USP22: variants seen among roughly 807,000 people sequenced by gnomAD.
USP22 encodes ubiquitin specific peptidase 22.
USP22 carries 22 observed loss-of-function variants against 68.1 expected under a neutral mutation model. That is an observed-to-expected ratio of 0.32 (90% confidence interval 0.23 to 0.46). The LOEUF is 0.46. USP22 is among the 20% of genes least tolerant of loss of function. The pLI is 1.00. For missense variants in USP22, 433 were observed against 695.8 expected (o/e 0.62, Z 4.25); for synonymous variants, 279 against 274.2 (o/e 1.02, Z -0.17).
upstream of USP22, chr17:21,043,302 C>CCCCCCCCCCCCCCCCCCCCCG (rs1567596616): frequency 6.3e-5 from 3 of 47,548 alleles, no homozygotes; most frequent in Non-Finnish European, 1.2e-4. Context: ...GTAGGCCACC[C>CCCCCCCCCCCCCCCCCCCCCG]CCCCCCCCCC....
At chr17:21,012,295 T>C (rs1182411865) in intron 7 of USP22, among the ~76,000 whole-genome samples, 1 of 152,028 alleles carries the variant, frequency 6.6e-6, no homozygotes, top group Non-Finnish European at 1.5e-5. Context: ...ACCTGTAGCA[T>C]GCACTGAGGT....
chr17:21,042,738 T>C lies in USP22; in HGVS notation c.98A>G (p.Asn33Ser). The C allele has an allele frequency of 2.0e-6, 3 of 1,488,028 alleles. No homozygotes were observed. Among genetic ancestry groups the C allele is most frequent in the Non-Finnish European group, 2.7e-6 (3 of 1,118,236 alleles). 92.2% of individuals were successfully genotyped at this position (1,488,028 alleles called of 1,614,324 possible). Residue 33 changes from asparagine to serine, a missense_variant, in exon 1 of 13, where the codon AAC becomes AGC. By Grantham distance (46) the Asn-to-Ser change is conservative (BLOSUM62 1). Transcript: ENST00000261497. ...GATGGCCCGCAGGTTCTGCTTCCAG[T>C]TGTCCACCTTGAAGCTGCCCAGGTG... ...CSHLGSFKVDNWKQNLRAIYQ... is the reference protein window; with the variant it reads ...CSHLGSFKVDSWKQNLRAIYQ...
In USP22 at chr17:21,008,362, C is replaced by T. The variant is rs151104397; in HGVS notation, c.1104-366G>A. Reference sequence around the variant, plus strand: ...ACGAGAGTCACAAAACTGGAAACACCCCGTTTCTTCCCATGGCTGAATAAT... The same window carrying T: ...ACGAGAGTCACAAAACTGGAAACACTCCGTTTCTTCCCATGGCTGAATAAT... On this transcript the variant is annotated intron_variant, in intron 8 of 12. Coordinates refer to ENST00000261497, the MANE Select transcript of USP22 (RefSeq NM_015276.2). Among the ~76,000 whole-genome samples, 52 of 152,176 alleles carry T rather than the reference C, an allele frequency of 3.4e-4. 2 individuals are homozygous for T. Among genetic ancestry groups the T allele is most frequent in the African/African-American group, 1.2e-3 (50 of 41,514 alleles).
chr17:21,011,006 A>G (rs111278768), intron 8 of USP22, 145 bp downstream of exon 8: 2 of 1,157,506 alleles, frequency 1.7e-6, no homozygotes, highest in South Asian at 1.8e-5. Flanking sequence ...AAACTAGCAC[A>G]AGAGACTGCA....
Position 21,019,580 on chromosome 17 carries a change from T to G in USP22, c.419-395A>C, listed in dbSNP as rs1022078164. On this transcript the variant is annotated intron_variant, in intron 3 of 12. Transcript: ENST00000261497. ...AATTGAAGGAGAGAGCTTGCACTTTTCAGCAAACTGAAATAGCATAAACTC... is the reference window on the plus strand; with the variant it reads ...AATTGAAGGAGAGAGCTTGCACTTTGCAGCAAACTGAAATAGCATAAACTC... Among the ~76,000 whole-genome samples the G allele has an allele frequency of 2.0e-5, 3 of 152,360 alleles. 1 individual carries two copies. The South Asian group carries it at 6.2e-4, about 32-fold the overall frequency.
chr17:21,015,546 C>T, intron 6 of USP22: 2 of 647,652 alleles, frequency 3.1e-6, no homozygotes, highest in Non-Finnish European at 2.4e-6. Context: ...TACTTCCTCG[C>T]CTCTTAAAAA....
intron 12 of USP22, among the ~76,000 whole-genome samples, 200 bp downstream of exon 12, chr17:21,004,002 G>A (rs1378427984): frequency 3.3e-5 from 5 of 152,124 alleles, no homozygotes; most frequent in East Asian, 1.9e-4. Flanking sequence ...CTCCAGAGAG[G>A]GCCTTTGCTC....
At chr17:21,035,985 C>T (rs146268285) in intron 1 of USP22, among the ~76,000 whole-genome samples, 36 of 137,392 alleles carry the variant, frequency 2.6e-4, no homozygotes, top group Admixed American at 4.8e-4. Flanking sequence ...GAGCCGAGAT[C>T]GCACCACTGC....
Position 21,012,810 on chromosome 17 carries a change from G to A in USP22, c.944+20C>T, listed in dbSNP as rs1914011996. On this transcript the variant is annotated intron_variant, in intron 7 of 12. Coordinates refer to ENST00000261497, the MANE Select transcript of USP22 (RefSeq NM_015276.2). ...GCCCCAGAGGGTTTGATATTGCCGA[G>A]CACGCAGCCTCTCACTTACTGGCAG... 6.2e-7 allele frequency: 1 copy of A among 1,608,234 alleles called. No homozygotes were observed. The highest frequency in any genetic ancestry group is 8.5e-7 in the Non-Finnish European group (1 of 1,174,812).
intron 1 of USP22, among the ~76,000 whole-genome samples, chr17:21,033,459 A>G (rs1972316655): frequency 6.6e-6 from 1 of 152,152 alleles, no homozygotes; most frequent in South Asian, 2.1e-4. Flanking sequence ...CCCCACTCAC[A>G]CTACCTCCCA....
chr17:21,008,489 T>G (rs573387328), intron 8 of USP22, among the ~76,000 whole-genome samples: 1 of 152,178 alleles, frequency 6.6e-6, no homozygotes, highest in South Asian at 2.1e-4. Context: ...CCCAGAGAAT[T>G]AGGATGTGCA....
At chr17:21,027,577 G>C (rs941177540) in intron 2 of USP22, among the ~76,000 whole-genome samples, 1 of 152,248 alleles carries the variant, frequency 6.6e-6, no homozygotes, top group South Asian at 2.1e-4. Context: ...AGCTTGGACC[G>C]CTTGAAAATG....
chr17:21,025,342 T>C (rs1972206624), intron 2 of USP22, among the ~76,000 whole-genome samples: 2 of 152,104 alleles, frequency 1.3e-5, no homozygotes, highest in African/African-American at 4.8e-5. Context: ...TTTCACACTA[T>C]TATGGGTATT....
chr17:21,035,161 T>C (rs1019668628), intron 1 of USP22, among the ~76,000 whole-genome samples: 6 of 152,310 alleles, frequency 3.9e-5, no homozygotes, highest in Middle Eastern at 6.8e-3. Flanking sequence ...AACTGTCAAT[T>C]ACACATGTAT....
chr17:21,021,991 T>C (rs1355085965), intron 2 of USP22, among the ~76,000 whole-genome samples: 2 of 152,026 alleles, frequency 1.3e-5, no homozygotes, highest in Non-Finnish European at 2.9e-5. Flanking sequence ...CCCCAGCTAT[T>C]CGGGGAGCTG....
chr17:21,030,930 C>A (rs905829311), intron 1 of USP22, among the ~76,000 whole-genome samples: 1 of 152,126 alleles, frequency 6.6e-6, no homozygotes, highest in African/African-American at 2.4e-5. Flanking sequence ...AACTGTATTG[C>A]GCTTATGTAG....
intron 1 of USP22, among the ~76,000 whole-genome samples, chr17:21,040,027 T>C (rs1256176700): frequency 1.3e-5 from 2 of 152,110 alleles, no homozygotes; most frequent in African/African-American, 4.8e-5. Context: ...AGTGAGACAC[T>C]GTCTCTACAA....
At chr17:21,039,503 G>A (rs561356264) in intron 1 of USP22, among the ~76,000 whole-genome samples, 2 of 152,190 alleles carry the variant, frequency 1.3e-5, no homozygotes, top group South Asian at 2.1e-4. Flanking sequence ...GGGGGAGGCT[G>A]TGGTGAGCCG....
chr17:21,011,062 G>C, intron 8 of USP22, 89 bp downstream of exon 8: 1 of 1,485,346 alleles, frequency 6.7e-7, no homozygotes, highest in Non-Finnish European at 9.0e-7. Flanking sequence ...TCTGTCCTGG[G>C]CATGTGAAAG....
Sources: gnomAD v4.1 joint callset for allele counts (sites outside exome capture counted in the v4.1 genomes callset) on GRCh38, gnomAD v4.1.1 for gene constraint, MANE v1.5 for transcripts, NCBI Gene and HGNC (gene_info 2026-07-23, HGNC 2026-07-21) for gene names.